CAMKMT: variants seen among roughly 807,000 people sequenced by gnomAD.
CAMKMT encodes calmodulin-lysine N-methyltransferase.
CAMKMT carries 53 observed loss-of-function variants against 48.0 expected under a neutral mutation model. The observed-to-expected ratio is 1.10, with a 90% confidence interval of 0.89 to 1.39. The LOEUF is 1.39. CAMKMT is among the 40% of genes most tolerant of loss of function. The pLI, the probability that CAMKMT is intolerant of heterozygous loss-of-function variation, is 0.00. For synonymous variants in CAMKMT, 165 were observed against 152.3 expected, an observed-to-expected ratio of 1.08 and a Z score of -0.61; for missense variants, 428 against 402.7, an observed-to-expected ratio of 1.06 and a Z score of -0.54.
intron 3 of CAMKMT, among the ~76,000 whole-genome samples, chr2:44,671,158 G>A (rs539784710): frequency 3.3e-5 from 5 of 152,232 alleles, no homozygotes; most frequent in East Asian, 1.9e-4. Flanking sequence ...CTGATACAAC[G>A]TTAAGTCATG....
chr2:44,388,998 T>C (rs1363180011), intron 2 of CAMKMT, among the ~76,000 whole-genome samples: 1 of 152,022 alleles, frequency 6.6e-6, no homozygotes, highest in Non-Finnish European at 1.5e-5. Flanking sequence ...TGCTGGGAGG[T>C]GGTGCTTTCC....
At chr2:44,570,504 C>T (rs1381023260) in intron 3 of CAMKMT, among the ~76,000 whole-genome samples, 9 of 152,154 alleles carry the variant, frequency 5.9e-5, no homozygotes, top group Admixed American at 2.0e-4. Context: ...TGAATCTTAT[C>T]ATAATAGAGA....
intron 3 of CAMKMT, among the ~76,000 whole-genome samples, chr2:44,621,921 G>A (rs2103936035): frequency 6.6e-6 from 1 of 152,266 alleles, no homozygotes; most frequent in Middle Eastern, 3.4e-3. Flanking sequence ...GGATTGTGGT[G>A]GTGGCAATAG....
At chr2:44,573,178 G>A (rs1176024126) in intron 3 of CAMKMT, among the ~76,000 whole-genome samples, 2 of 151,188 alleles carry the variant, frequency 1.3e-5, no homozygotes, top group African/African-American at 4.9e-5. Context: ...CTTTTCATAT[G>A]CTGCTATTAG....
intron 3 of CAMKMT, among the ~76,000 whole-genome samples, chr2:44,602,697 G>A (rs1188529199): frequency 6.6e-6 from 1 of 152,044 alleles, no homozygotes; most frequent in African/African-American, 2.4e-5. Flanking sequence ...TGGAGAGAGA[G>A]AGAACAAGGG....
rs1405016412 is a variant in CAMKMT at position 44,395,852 on chromosome 2, TATC to T, written c.376+5550_376+5552del. Reference sequence around the variant, plus strand: ...TTTGGTATGTGCCATTCTGTTTTAATATCATACATTATTTTGTTATGTGAAAAC... The same window carrying T: ...TTTGGTATGTGCCATTCTGTTTTAATATACATTATTTTGTTATGTGAAAAC... On this transcript the variant is annotated intron_variant, in intron 3 of 10. Coordinates refer to ENST00000378494, the MANE Select transcript of CAMKMT (RefSeq NM_024766.5). 2.0e-5 allele frequency among the ~76,000 whole-genome samples: 3 copies of T among 152,166 alleles called. No homozygotes were observed. The East Asian group carries it at 5.8e-4, about 29-fold the overall frequency.
chr2:44,518,966 C>T (rs1403085486), intron 3 of CAMKMT, among the ~76,000 whole-genome samples: 2 of 152,188 alleles, frequency 1.3e-5, no homozygotes, highest in Non-Finnish European at 2.9e-5. Context: ...ATACTTCTTT[C>T]CGTGTTGTCG....
At chr2:44,387,251 T>G (rs897072205) in intron 2 of CAMKMT, among the ~76,000 whole-genome samples, 2 of 152,308 alleles carry the variant, frequency 1.3e-5, no homozygotes, top group Admixed American at 1.3e-4. Context: ...GGACAAGGCC[T>G]TTTACCATTA....
chr2:44,658,940 T>C (rs909723144), intron 3 of CAMKMT, among the ~76,000 whole-genome samples: 1 of 152,150 alleles, frequency 6.6e-6, no homozygotes, highest in African/African-American at 2.4e-5. Flanking sequence ...TTCAATACTA[T>C]AGTTTGCCCT....
At chr2:44,447,038 G>C (rs1667041318) in intron 3 of CAMKMT, among the ~76,000 whole-genome samples, 1 of 152,044 alleles carries the variant, frequency 6.6e-6, no homozygotes, top group African/African-American at 2.4e-5. Context: ...ACAAAATTTT[G>C]GTACATTGGA....
At chr2:44,477,968 A>G (rs1210168054) in intron 3 of CAMKMT, among the ~76,000 whole-genome samples, 1 of 152,206 alleles carries the variant, frequency 6.6e-6, no homozygotes. Context: ...TCAGTGGCAA[A>G]CAGCGTATGT....
At chr2:44,710,207 A>G (rs376100896) in intron 6 of CAMKMT, among the ~76,000 whole-genome samples, 8 of 151,954 alleles carry the variant, frequency 5.3e-5, no homozygotes, top group African/African-American at 1.9e-4. Flanking sequence ...CTGAATCTTT[A>G]TATCACAGAA....
chr2:44,435,447 A>G (rs1042745180), intron 3 of CAMKMT, among the ~76,000 whole-genome samples: 2 of 152,182 alleles, frequency 1.3e-5, no homozygotes, highest in South Asian at 2.1e-4. Flanking sequence ...CTTACTTACA[A>G]TTGCAAGCAT....
chr2:44,438,395 G>C (rs1666416777), intron 3 of CAMKMT, among the ~76,000 whole-genome samples: 1 of 152,008 alleles, frequency 6.6e-6, no homozygotes, highest in Non-Finnish European at 1.5e-5. Flanking sequence ...ACTTGTTTTG[G>C]TTTCATGGTT....
intron 10 of CAMKMT, 124 bp downstream of exon 10, chr2:44,766,685 C>A: frequency 2.0e-6 from 2 of 986,558 alleles, no homozygotes; most frequent in Non-Finnish European, 2.9e-6. Flanking sequence ...TGCTTCTGAA[C>A]AGCTATTTGT....
At chr2:44,441,006 A>T (rs578129037) in intron 3 of CAMKMT, among the ~76,000 whole-genome samples, 74 of 152,260 alleles carry the variant, frequency 4.9e-4, no homozygotes, top group Non-Finnish European at 8.1e-4. Context: ...CATGAAATGA[A>T]AGTTCCTACT....
chr2:44,370,624 G>GTGTT (rs145079649), intron 1 of CAMKMT, among the ~76,000 whole-genome samples: 11,162 of 151,896 alleles, frequency 0.073, 535 homozygotes, highest in Non-Finnish European at 0.11. Flanking sequence ...CCTCTCTCCT[G>GTGTT]TGTTTGTTTT....
chr2:44,554,312 T>A (rs900044892), intron 3 of CAMKMT, among the ~76,000 whole-genome samples: 1 of 152,210 alleles, frequency 6.6e-6, no homozygotes, highest in African/African-American at 2.4e-5. Context: ...AGCACAGAAA[T>A]CTTCCTAGTA....
intron 3 of CAMKMT, among the ~76,000 whole-genome samples, chr2:44,423,230 A>G (rs1391546591): frequency 6.6e-6 from 1 of 152,084 alleles, no homozygotes; most frequent in Admixed American, 6.5e-5. Context: ...CCCAGGCTGC[A>G]GTGCAATGGT....
Sources: allele counts gnomAD v4.1 joint callset (sites outside exome capture counted in the v4.1 genomes callset), GRCh38; gene constraint gnomAD v4.1.1; transcripts MANE v1.5; gene names NCBI Gene and HGNC (gene_info 2026-07-23, HGNC 2026-07-21).